Variants in ERBIN observed in about 807,000 individuals in gnomAD.
The protein encoded by ERBIN is densin-180-like protein.
ERBIN carries 60 observed loss-of-function variants against 158.4 expected under a neutral mutation model. That is an observed-to-expected ratio of 0.38 (90% confidence interval 0.31 to 0.47). ERBIN has a LOEUF of 0.47. Among genes scored for constraint, ERBIN ranks in the 20% least tolerant of loss-of-function variants. The pLI is 0.99. For missense variants in ERBIN, 1,610 were observed against 1,648.0 expected, an observed-to-expected ratio of 0.98 and a Z score of 0.40; for synonymous variants, 594 against 557.2, an observed-to-expected ratio of 1.07 and a Z score of -0.93.
chr5:65,928,745 TTC>T (rs1211418489), intron 1 of ERBIN, among the ~76,000 whole-genome samples: 5 of 152,192 alleles, frequency 3.3e-5, no homozygotes, highest in Admixed American at 3.3e-4. Flanking sequence ...TTTCTTGGAA[TTC>T]TGTTAGTTTA....
At chr5:66,015,495 G>A (rs1032702184) in intron 7 of ERBIN, among the ~76,000 whole-genome samples, 3 of 152,004 alleles carry the variant, frequency 2.0e-5, no homozygotes, top group Non-Finnish European at 2.9e-5. Flanking sequence ...ATCTGTTGTT[G>A]GTGTTAGAGT....
At chr5:65,927,490 A>G (rs368432612) in intron 1 of ERBIN, among the ~76,000 whole-genome samples, 1 of 152,176 alleles carries the variant, frequency 6.6e-6, no homozygotes, top group South Asian at 2.1e-4. Flanking sequence ...CTTTTCTTGT[A>G]ACTGATCCAT....
At position 66,021,335 on chromosome 5, in the gene ERBIN, C is replaced by T; in HGVS notation, c.547C>T (p.Leu183=). The change falls in exon 8 of 26, where the codon CTG becomes TTG. Residue 183 remains leucine (L), a synonymous_variant. Transcript: ENST00000284037. ...CATTATGAACAGAACTATGAATAGA[C>T]TGACCCAGCTGGAAAGACTGGATTT... ...LKMLPKTMNR[L]TQLERLDLGS... The T allele has an allele frequency of 1.2e-6, 2 of 1,601,072 alleles. No homozygotes were observed.
chr5:66,013,291 G>A (rs1391237636), intron 5 of ERBIN, among the ~76,000 whole-genome samples: 2 of 152,120 alleles, frequency 1.3e-5, no homozygotes, highest in Non-Finnish European at 2.9e-5. Context: ...CTCATTCATA[G>A]TTGACTGTTT....
chr5:66,045,868 A>G (rs763925243), intron 17 of ERBIN, among the ~76,000 whole-genome samples: 8 of 152,230 alleles, frequency 5.3e-5, no homozygotes, highest in Admixed American at 1.3e-4. Flanking sequence ...TGTAATTGCA[A>G]TGACAGACAG....
chr5:66,072,128 A>G, intron 21 of ERBIN, 41 bp from the exon 22 acceptor site: 4 of 1,537,176 alleles, frequency 2.6e-6, no homozygotes, highest in Non-Finnish European at 3.5e-6. Flanking sequence ...TTCACATCTT[A>G]AAGAACATTA....
rs577033215 is a variant in ERBIN at position 65,961,691 on chromosome 5, T to C, written c.-57-26944T>C. 2.6e-5 allele frequency among the ~76,000 whole-genome samples: 4 copies of C among 152,352 alleles called. No individual in the cohort carries two copies. The East Asian group carries it at 7.7e-4, about 29-fold the overall frequency. On this transcript the variant is annotated intron_variant, in intron 1 of 25. Transcript: ENST00000284037. The stretch of plus-strand genomic sequence containing the variant: ...AAATTCCAGCTTTATTTTGTAATAC[T>C]AAGTATGACTATTGATGACTTTTTT...
intron 21 of ERBIN, among the ~76,000 whole-genome samples, chr5:66,064,662 T>G (rs940114218): frequency 3.9e-5 from 6 of 152,174 alleles, no homozygotes; most frequent in South Asian, 2.1e-4. Flanking sequence ...CAGGATGAAT[T>G]GATAAGAAGT....
chr5:65,938,371 CTTT>C (rs4019046), intron 1 of ERBIN, among the ~76,000 whole-genome samples: 67 of 121,600 alleles, frequency 5.5e-4, no homozygotes, highest in Non-Finnish European at 6.2e-4. Context: ...AGGCATAGGT[CTTT>C]TTTTTTTTTT....
At chr5:66,065,311 A>G (rs1760861542) in intron 21 of ERBIN, among the ~76,000 whole-genome samples, 1 of 152,092 alleles carries the variant, frequency 6.6e-6, no homozygotes, top group African/African-American at 2.4e-5. Flanking sequence ...ATTGCTAGAC[A>G]TACTTATTAT....
In ERBIN at chr5:66,079,853, T is replaced by C. The variant is rs191880517; in HGVS notation, c.*1323T>C. 6.6e-6 allele frequency: 1 copy of C among 152,406 alleles called. No homozygotes were observed. Among genetic ancestry groups the C allele is most frequent in the Admixed American group, 6.5e-5 (1 of 15,304 alleles). The allele number at this position is 152,406 out of a possible 1,614,324, so 9.4% of individuals were successfully genotyped here. A position where few individuals can be genotyped will look rare whatever the true frequency, so the allele number is the denominator to read the frequency against. ...TTGTTCCTAGTTACTGTAACAAATA[T>C]TTGATGATAGAGGTTTATTAATTTT... On this transcript the variant is annotated 3_prime_UTR_variant, in exon 26 of 26. Transcript: ENST00000284037.
rs1270576978 is a variant in ERBIN, at chr5:66,053,867, C to T, written c.2549C>T (p.Ser850Phe). ...DSDCSVDLGISKSTEDLSPQK... is the reference protein window; with the variant it reads ...DSDCSVDLGIFKSTEDLSPQK... ...GATTGTTCTGTTGACTTAGGTATTT[C>T]CAAAAGCACTGAAGATCTCTCCCCT... The change falls in exon 21 of 26, where the codon TCC (serine) becomes TTC (phenylalanine). Residue 850 changes from serine to phenylalanine, a missense_variant. Around this residue, in one of 2 missense-constraint regions of ERBIN, gnomAD observed 1,014 missense variants for 936.1 expected, o/e 1.08. Transcript: ENST00000284037. 1 of 1,614,052 alleles carries T rather than the reference C, an allele frequency of 6.2e-7. No homozygotes were observed. The highest frequency in any genetic ancestry group is 1.1e-5 in the South Asian group (1 of 91,072).
chr5:66,031,952 C>G (rs1756924917), intron 14 of ERBIN, among the ~76,000 whole-genome samples: 1 of 151,914 alleles, frequency 6.6e-6, no homozygotes, highest in Non-Finnish European at 1.5e-5. Flanking sequence ...AGTGATCTTC[C>G]CACCCCAGCC....
In ERBIN at chr5:66,033,271, A is replaced by G. The variant is rs554734344; in HGVS notation, c.1206+4928A>G. On this transcript the variant is annotated intron_variant, in intron 14 of 25. Coordinates refer to ENST00000284037, the MANE Select transcript of ERBIN (RefSeq NM_001253697.2). ...ACATTTGTTTCAGCCCATGATCGTA[A>G]TTAACTTTTTCTAGGGAATGGTGTC... Among the ~76,000 whole-genome samples, 6 of 152,346 alleles carry G rather than the reference A, an allele frequency of 3.9e-5. No homozygotes were observed. The East Asian group carries it at 9.6e-4, about 24-fold the overall frequency.
intron 1 of ERBIN, among the ~76,000 whole-genome samples, chr5:65,947,238 G>A (rs1348489574): frequency 4.0e-5 from 6 of 151,894 alleles, no homozygotes; most frequent in Admixed American, 1.3e-4. Context: ...TTCCCTCTGT[G>A]ATCCATTTTT....
chr5:66,029,708 G>A (rs1248170383), intron 14 of ERBIN, among the ~76,000 whole-genome samples: 8 of 152,024 alleles, frequency 5.3e-5, no homozygotes, highest in African/African-American at 1.4e-4. Context: ...GGGTTCAAGC[G>A]ATTCTCTTGC....
chr5:65,954,980 G>T (rs1424758476), intron 1 of ERBIN, among the ~76,000 whole-genome samples: 2 of 152,040 alleles, frequency 1.3e-5, no homozygotes, highest in Non-Finnish European at 2.9e-5. Context: ...TAGTAGAATC[G>T]CTTGAACTCG....
intron 1 of ERBIN, among the ~76,000 whole-genome samples, chr5:65,958,584 T>A (rs1747542823): frequency 6.9e-6 from 1 of 144,334 alleles, no homozygotes; most frequent in South Asian, 2.2e-4. Context: ...CAGTCCAGCT[T>A]CGGCTGGGCA....
At chr5:66,076,486 C>A in intron 24 of ERBIN, 78 bp downstream of exon 24, 1 of 1,082,476 alleles carries the variant, frequency 9.2e-7, no homozygotes. Flanking sequence ...AAGTGAAAAT[C>A]TAATAGATGT....
Sources: gnomAD v4.1 joint callset for allele counts (sites outside exome capture counted in the v4.1 genomes callset) on GRCh38, gnomAD v4.1.1 for gene constraint, gnomAD v4.1.1 regional missense constraint, MANE v1.5 for transcripts, NCBI Gene and HGNC (gene_info 2026-07-23, HGNC 2026-07-21) for gene names.